Variants in HDAC9 observed in about 807,000 individuals in gnomAD.
HDAC9 encodes the protein MEF-2 interacting transcription repressor (MITR) protein.
In HDAC9, 41 loss-of-function variants were observed where a neutral mutation model predicts 139.4. That is an observed-to-expected ratio of 0.29 (90% confidence interval 0.23 to 0.38). The LOEUF is 0.38. HDAC9 is among the 10% of genes least tolerant of loss of function. HDAC9 has a pLI of 1.00. For missense variants in HDAC9, 1,147 were observed against 1,297.0 expected, an observed-to-expected ratio of 0.88 and a Z score of 1.78; for synonymous variants, 517 against 476.2, an observed-to-expected ratio of 1.09 and a Z score of -1.12.
At chr7:18,374,220 C>T (rs964061839) in intron 1 of HDAC9, among the ~76,000 whole-genome samples, 5 of 141,672 alleles carry the variant, frequency 3.5e-5, no homozygotes, top group East Asian at 2.1e-4. Context: ...TATATATATA[C>T]ACACACACAT....
chr7:18,253,283 T>G lies in HDAC9; in HGVS notation c.25+90934T>G, dbSNP rs759244291. ...GGTATATACCCAGTAATGGGATTATTGGGTTGAATGGTATTTCTGTTTTTA... is the reference window on the plus strand; with the variant it reads ...GGTATATACCCAGTAATGGGATTATGGGGTTGAATGGTATTTCTGTTTTTA... On this transcript the variant is annotated intron_variant, in intron 2 of 12. Coordinates refer to the HDAC9 transcript ENST00000417496. Among the ~76,000 whole-genome samples the G allele has an allele frequency of 3.3e-5, 5 of 152,344 alleles. No individual in the cohort carries two copies. The South Asian group carries it at 1.0e-3, about 32-fold the overall frequency.
chr7:18,108,352 G>T (rs948789865), intron 1 of HDAC9, among the ~76,000 whole-genome samples: 2 of 152,082 alleles, frequency 1.3e-5, no homozygotes, highest in Non-Finnish European at 2.9e-5. Context: ...TGGGAGGAGT[G>T]CTCAAGTGTG....
intron 6 of HDAC9, among the ~76,000 whole-genome samples, chr7:18,616,150 T>A (rs58181058): frequency 0.029 from 4,415 of 152,228 alleles, 170 homozygotes; most frequent in African/African-American, 0.083. Flanking sequence ...CCTTGGATAA[T>A]CCAAGTTAAT....
At chr7:18,234,058 G>A (rs996187977) in intron 2 of HDAC9, among the ~76,000 whole-genome samples, 2 of 152,126 alleles carry the variant, frequency 1.3e-5, no homozygotes, top group African/African-American at 4.8e-5. Flanking sequence ...ACCTTTGTTG[G>A]TTCTTCAGTT....
upstream of HDAC9, among the ~76,000 whole-genome samples, chr7:18,286,358 G>A (rs1378119563): frequency 6.7e-6 from 1 of 150,008 alleles, no homozygotes; most frequent in Non-Finnish European, 1.5e-5. Context: ...TCTAAATTGT[G>A]AAAATTCAAT....
In HDAC9 at chr7:18,870,431, T is replaced by C. The variant is rs996079660; in HGVS notation, c.2685-4047T>C. On this transcript the variant is annotated intron_variant, in intron 21 of 25. Coordinates refer to ENST00000686413, the MANE Select transcript of HDAC9 (RefSeq NM_178425.4). The stretch of plus-strand genomic sequence containing the variant: ...CCTCATTATGAGATTTGAAGTTATA[T>C]GTTTTTAGTAAAAACGCCATAGGAC... Among the ~76,000 whole-genome samples, 8 of 152,320 alleles carry C rather than the reference T, an allele frequency of 5.3e-5. No individual in the cohort carries two copies. The East Asian group carries it at 1.4e-3, about 26-fold the overall frequency.
intron 2 of HDAC9, among the ~76,000 whole-genome samples, chr7:18,563,287 C>A (rs1821172904): frequency 6.6e-6 from 1 of 152,080 alleles, no homozygotes; most frequent in Non-Finnish European, 1.5e-5. Context: ...AATTGGTCTT[C>A]AAATCCTGCT....
chr7:18,275,737 G>T (rs1240200204), intron 2 of HDAC9, among the ~76,000 whole-genome samples: 2 of 152,056 alleles, frequency 1.3e-5, no homozygotes. Flanking sequence ...CCTTCCTCGG[G>T]TGTTTTCTCA....
chr7:18,888,836 G>A (rs566019849), intron 22 of HDAC9, among the ~76,000 whole-genome samples: 1 of 152,298 alleles, frequency 6.6e-6, no homozygotes, highest in African/African-American at 2.4e-5. Context: ...GCATGCTTGT[G>A]TAATGTTCAA....
chr7:18,449,021 A>G (rs1424142790), intron 1 of HDAC9, among the ~76,000 whole-genome samples: 1 of 152,190 alleles, frequency 6.6e-6, no homozygotes, highest in Non-Finnish European at 1.5e-5. Context: ...CCTGTGATAT[A>G]AAATCTTACC....
chr7:18,766,271 G>C (rs1029182780), intron 15 of HDAC9, among the ~76,000 whole-genome samples: 1 of 152,148 alleles, frequency 6.6e-6, no homozygotes, highest in Non-Finnish European at 1.5e-5. Flanking sequence ...TTACTCCACA[G>C]ACAGATTTTA....
At chr7:18,547,821 T>TTCCTTCCTTCCG (rs1333221910) in intron 2 of HDAC9, among the ~76,000 whole-genome samples, 2 of 121,970 alleles carry the variant, frequency 1.6e-5, no homozygotes, top group East Asian at 5.1e-4. Flanking sequence ...CCTTCCTTCC[T>TTCCTTCCTTCCG]TCCTTCCTTC....
chr7:18,715,716 A>G (rs1784652974), intron 12 of HDAC9, among the ~76,000 whole-genome samples: 1 of 152,202 alleles, frequency 6.6e-6, no homozygotes, highest in Non-Finnish European at 1.5e-5. Flanking sequence ...TAAATCTAGT[A>G]TATTAACAGA....
At chr7:18,920,888 C>A (rs181198277) in intron 22 of HDAC9, among the ~76,000 whole-genome samples, 1 of 151,972 alleles carries the variant, frequency 6.6e-6, no homozygotes, top group East Asian at 1.9e-4. Context: ...TTGCTGGATT[C>A]GGTTTGCCAG....
intron 5 of HDAC9, among the ~76,000 whole-genome samples, chr7:18,592,855 A>T (rs1046555155): frequency 6.6e-6 from 1 of 152,208 alleles, no homozygotes; most frequent in Admixed American, 6.5e-5. Context: ...CACATAATTT[A>T]TAGCTAATTC....
chr7:18,134,061 C>T (rs1785221666), intron 1 of HDAC9, among the ~76,000 whole-genome samples: 1 of 151,440 alleles, frequency 6.6e-6, no homozygotes, highest in South Asian at 2.1e-4. Flanking sequence ...TTATAATGTT[C>T]ACCCTCCTGG....
At chr7:18,560,527 G>A (rs1490465081) in intron 2 of HDAC9, among the ~76,000 whole-genome samples, 1 of 152,106 alleles carries the variant, frequency 6.6e-6, no homozygotes, top group Admixed American at 6.5e-5. Flanking sequence ...ACCTTGTTGT[G>A]TAAAGTGTGC....
At chr7:18,774,640 A>G (rs1790602141) in intron 16 of HDAC9, among the ~76,000 whole-genome samples, 1 of 151,546 alleles carries the variant, frequency 6.6e-6, no homozygotes, top group African/African-American at 2.4e-5. Context: ...TTGCTGGTGC[A>G]GGGTTTTGCT....
chr7:18,377,791 G>A (rs922471128), intron 1 of HDAC9, among the ~76,000 whole-genome samples: 13 of 151,860 alleles, frequency 8.6e-5, no homozygotes, highest in East Asian at 1.9e-4. Context: ...TAAGGATCTC[G>A]TTACATTTAA....
Sources: gnomAD v4.1 joint callset for allele counts (sites outside exome capture counted in the v4.1 genomes callset) on GRCh38, gnomAD v4.1.1 for gene constraint, MANE v1.5 for transcripts, NCBI Gene and HGNC (gene_info 2026-07-23, HGNC 2026-07-21) for gene names.